PSMF1: variants seen among roughly 807,000 people sequenced by gnomAD.
PSMF1 encodes the protein proteasome inhibitor subunit 1.
In PSMF1, 30 loss-of-function variants were observed where a neutral mutation model predicts 29.3. That is an observed-to-expected ratio of 1.02 (90% CI 0.77 to 1.39). The LOEUF is 1.39. Ranked by LOEUF, PSMF1 falls within the 40% of genes most tolerant of loss-of-function variation. PSMF1 has a pLI of 0.00. For synonymous variants in PSMF1, 134 were observed against 139.7 expected (o/e 0.96, Z 0.29); for missense variants, 344 against 357.5 (o/e 0.96, Z 0.31).
rs1359227304 is a variant in PSMF1, at chr20:1,170,872, C to T, written c.*5792C>T. Among the ~76,000 whole-genome samples, 6 of 152,132 alleles carry T rather than the reference C, an allele frequency of 3.9e-5. No individual in the cohort carries two copies. Among genetic ancestry groups the T allele is most frequent in the African/African-American group, 1.2e-4 (5 of 41,400 alleles). On this transcript the variant is annotated 3_prime_UTR_variant, in exon 7 of 7. Transcript: ENST00000335877. ...ACAAGCATTTATCAGGTGCACACAG[C>T]GTGCTAGGCTTCTCCTCATCGCATG...
chr20:1,160,965 TACCCTGG>T, intron 4 of PSMF1: 1 of 427,014 alleles, frequency 2.3e-6, no homozygotes, highest in Non-Finnish European at 4.7e-6. Flanking sequence ...AGACCTTCAA[TACCCTGG>T]ACATGTACGT....
At chr20:1,133,332 T>C (rs2122500873) in intron 3 of PSMF1, among the ~76,000 whole-genome samples, 1 of 151,020 alleles carries the variant, frequency 6.6e-6, no homozygotes, top group African/African-American at 2.4e-5. Flanking sequence ...AGCTTTTTTC[T>C]GTATCAATTG....
Position 1,172,012 on chromosome 20 carries a change from G to T in PSMF1, c.*6932G>T, listed in dbSNP as rs568493947. ...TTCCCCATCTGTAAAATGTAGATAA[G>T]GATGGACCCACCTCCCCAAGATCCT... On this transcript the variant is annotated 3_prime_UTR_variant, in exon 7 of 7. Coordinates refer to ENST00000335877, the MANE Select transcript of PSMF1 (RefSeq NM_006814.5). Among the ~76,000 whole-genome samples, 2 of 152,328 alleles carry T rather than the reference G, an allele frequency of 1.3e-5. No individual in the cohort carries two copies. Among genetic ancestry groups the T allele is most frequent in the South Asian group, 4.1e-4 (2 of 4,826 alleles).
At chr20:1,144,329 A>T (rs1009438942) in intron 4 of PSMF1, among the ~76,000 whole-genome samples, 5 of 152,226 alleles carry the variant, frequency 3.3e-5, no homozygotes, top group African/African-American at 1.2e-4. Flanking sequence ...GCTGGTGGGC[A>T]TGTCAAATGT....
In PSMF1 at chr20:1,165,663, A is replaced by T. The variant is rs2086720794; in HGVS notation, c.*583A>T. The T allele has an allele frequency of 1.0e-6, 1 of 997,458 alleles. No individual in the cohort carries two copies. The highest frequency in any genetic ancestry group is 1.2e-6 in the Non-Finnish European group (1 of 836,488). 61.8% of individuals were successfully genotyped at this position (997,458 alleles called of 1,614,324 possible). On this transcript the variant is annotated 3_prime_UTR_variant, in exon 7 of 7. Transcript: ENST00000335877. Reference sequence around the variant, plus strand: ...GATGGGTCCCCTTCTGGCTGCATGAATGGAAATGAGTGACTGGAAATCCCA... The same window carrying T: ...GATGGGTCCCCTTCTGGCTGCATGATTGGAAATGAGTGACTGGAAATCCCA...
At chr20:1,133,570 T>TATATATAAATA (rs1555760108) in intron 3 of PSMF1, among the ~76,000 whole-genome samples, 3 of 63,152 alleles carry the variant, frequency 4.8e-5, no homozygotes, top group African/African-American at 1.6e-4. Flanking sequence ...TATATATATA[T>TATATATAAATA]TTTTTTTTTT....
chr20:1,132,063 G>A (rs534365073), intron 3 of PSMF1, among the ~76,000 whole-genome samples: 1 of 152,212 alleles, frequency 6.6e-6, no homozygotes, highest in South Asian at 2.1e-4. Flanking sequence ...AAAATCAGTT[G>A]TCTGTACATC....
intron 4 of PSMF1, chr20:1,161,522 C>G (rs1236373558): frequency 1.8e-6 from 1 of 554,650 alleles, no homozygotes; most frequent in Non-Finnish European, 3.4e-6. Flanking sequence ...AGAAAGAGAT[C>G]ACTGCCCTGG....
chr20:1,124,855 C>T (rs1322154890), intron 1 of PSMF1, among the ~76,000 whole-genome samples: 1 of 152,166 alleles, frequency 6.6e-6, no homozygotes, highest in Non-Finnish European at 1.5e-5. Flanking sequence ...AGTAATATAA[C>T]TCTAAGGAAA....
intron 3 of PSMF1, among the ~76,000 whole-genome samples, chr20:1,132,130 C>T (rs1398427343): frequency 6.6e-6 from 1 of 152,178 alleles, no homozygotes; most frequent in Non-Finnish European, 1.5e-5. Flanking sequence ...GTCTCTTCCT[C>T]TGTCAATATT....
rs2086728025 is a variant in PSMF1 at position 1,166,208 on chromosome 20, T to C, written c.*1128T>C. On this transcript the variant is annotated 3_prime_UTR_variant, in exon 7 of 7. Transcript: ENST00000335877. ...GTCCTGGCCCACCTGACCTTTGGTG[T>C]TCTCCGGATCCTTTTCAGCCCGAGG... 1 of 1,612,010 alleles carries C rather than the reference T, an allele frequency of 6.2e-7. No homozygotes were observed. The highest frequency in any genetic ancestry group is 1.7e-5 in the Admixed American group (1 of 59,932).
At chr20:1,121,694 T>C (rs1307885771) in intron 1 of PSMF1, among the ~76,000 whole-genome samples, 5 of 152,166 alleles carry the variant, frequency 3.3e-5, no homozygotes, top group African/African-American at 9.7e-5. Flanking sequence ...AAGTTGACAG[T>C]TAAATGGAAA....
rs76438163 is a variant in PSMF1 at position 1,153,571 on chromosome 20, T to C, written c.552-9559T>C. Among the ~76,000 whole-genome samples, 1,165 of 152,072 alleles carry C rather than the reference T, an allele frequency of 7.7e-3. 13 individuals are homozygous for C. The highest frequency in any genetic ancestry group is 0.027 in the African/African-American group (1,117 of 41,440). On this transcript the variant is annotated intron_variant, in intron 4 of 6. Coordinates refer to ENST00000335877, the MANE Select transcript of PSMF1 (RefSeq NM_006814.5). The stretch of plus-strand genomic sequence containing the variant: ...ACTGTGCCATACAACGAAACAATAA[T>C]AGGATTGCTTTCTCATCACATTCAT...
rs1158525287 is a variant in PSMF1, at chr20:1,163,487, T to C, written c.605+304T>C. On this transcript the variant is annotated intron_variant, in intron 5 of 6. Transcript: ENST00000335877. The surrounding 1 kb of genome is among the most constrained non-coding windows in gnomAD (Gnocchi z 6.1). ...ATAGTGAGGAGCACATGGTGGGCCT[T>C]AGGGCAGCTCAGGGCTATTCAGAGG... Among the ~76,000 whole-genome samples the C allele has an allele frequency of 6.6e-6, 1 of 152,158 alleles. No individual in the cohort carries two copies. The highest frequency in any genetic ancestry group is 1.9e-4 in the East Asian group (1 of 5,192).
intron 2 of PSMF1, among the ~76,000 whole-genome samples, chr20:1,126,098 T>C (rs1003098067): frequency 6.6e-6 from 1 of 152,226 alleles, no homozygotes; most frequent in Non-Finnish European, 1.5e-5. Flanking sequence ...TCTTTCATTT[T>C]TGACTTCCTC....
Position 1,165,585 on chromosome 20 carries a change from T to G in PSMF1, c.*505T>G. ...CTTTTTCCTGCCCAGGGCCCATTCT[T>G]GCTTCTCAGGCACCTTCCGTTTATT... On this transcript the variant is annotated 3_prime_UTR_variant, in exon 7 of 7. Transcript: ENST00000335877. 1.0e-6 allele frequency: 1 copy of G among 994,848 alleles called. No homozygotes were observed. Among genetic ancestry groups the G allele is most frequent in the Non-Finnish European group, 1.2e-6 (1 of 835,414 alleles). 61.6% of individuals were successfully genotyped at this position (994,848 alleles called of 1,614,324 possible). A position where few individuals can be genotyped will look rare whatever the true frequency, so the allele number is the denominator to read the frequency against.
At chr20:1,151,455 A>G (rs2086529610) in intron 4 of PSMF1, among the ~76,000 whole-genome samples, 1 of 152,176 alleles carries the variant, frequency 6.6e-6, no homozygotes, top group East Asian at 1.9e-4. Context: ...AATAGATACT[A>G]TTGTCTGTAT....
In PSMF1 at chr20:1,169,158, G is replaced by A. The variant is rs1349633738; in HGVS notation, c.*4078G>A. 6.6e-6 allele frequency among the ~76,000 whole-genome samples: 1 copy of A among 152,084 alleles called. No homozygotes were observed. Among genetic ancestry groups the A allele is most frequent in the Admixed American group, 6.5e-5 (1 of 15,270 alleles). Reference sequence around the variant, plus strand: ...ACTGCATCTGAACCCCAGGACTAATGCGTCACTGCATTAACCCCAGGACAC... The same window carrying A: ...ACTGCATCTGAACCCCAGGACTAATACGTCACTGCATTAACCCCAGGACAC... On this transcript the variant is annotated 3_prime_UTR_variant, in exon 7 of 7. Coordinates refer to ENST00000335877, the MANE Select transcript of PSMF1 (RefSeq NM_006814.5).
chr20:1,168,633 G>A lies in PSMF1; in HGVS notation c.*3553G>A, dbSNP rs567032524. Among the ~76,000 whole-genome samples the A allele has an allele frequency of 1.3e-5, 2 of 152,300 alleles. No individual in the cohort carries two copies. Among genetic ancestry groups the A allele is most frequent in the African/African-American group, 4.8e-5 (2 of 41,562 alleles). ...GGTGTTCCTGTGCTGGATGGTCAGT[G>A]GTTGTTGACATGTAGTTAGAAAATA... On this transcript the variant is annotated 3_prime_UTR_variant, in exon 7 of 7. Transcript: ENST00000335877.
Sources: gnomAD v4.1 joint callset for allele counts (sites outside exome capture counted in the v4.1 genomes callset) on GRCh38, gnomAD v4.1.1 for gene constraint, Gnocchi (gnomAD v3.1) non-coding constraint, MANE v1.5 for transcripts, NCBI Gene and HGNC (gene_info 2026-07-23, HGNC 2026-07-21) for gene names.